The following TRIQK variants were observed in gnomAD, a reference collection of about 807,000 sequenced individuals.
TRIQK encodes the protein triple QxxK/R motif-containing protein.
In TRIQK, 10 loss-of-function variants were observed where a neutral mutation model predicts 10.8. The ratio of observed to expected loss-of-function variants is 0.92; its 90% CI spans 0.57 to 1.57. The LOEUF (loss-of-function observed/expected upper bound fraction) is 1.57, where lower values mean the gene tolerates loss of function less well. TRIQK is among the 40% of genes most tolerant of loss of function. TRIQK has a pLI of 0.00. For synonymous variants in TRIQK, 33 were observed against 33.7 expected, an observed-to-expected ratio of 0.98 and a Z score of 0.07; for missense variants, 107 against 97.7, an observed-to-expected ratio of 1.09 and a Z score of -0.40.
intron 2 of TRIQK, among the ~76,000 whole-genome samples, chr8:92,922,009 T>C (rs1001402139): frequency 2.6e-5 from 4 of 151,886 alleles, no homozygotes; most frequent in Admixed American, 6.6e-5. Flanking sequence ...ATTTTTCTAA[T>C]CATAATAATC....
intron 2 of TRIQK, chr8:92,922,471 T>C (rs1176171031): frequency 1.3e-5 from 2 of 151,816 alleles, no homozygotes; most frequent in African/African-American, 4.8e-5. Flanking sequence ...TAATTTTTTC[T>C]TAAAGCAAAT....
At chr8:92,907,848 T>C (rs2130392629) in intron 3 of TRIQK, among the ~76,000 whole-genome samples, 1 of 152,226 alleles carries the variant, frequency 6.6e-6, no homozygotes, top group East Asian at 1.9e-4. Context: ...AGATAGCTAC[T>C]AAAACAAATA....
intron 3 of TRIQK, among the ~76,000 whole-genome samples, chr8:92,892,545 G>T (rs1327862800): frequency 6.6e-6 from 1 of 151,808 alleles, no homozygotes; most frequent in East Asian, 1.9e-4. Flanking sequence ...TTAAGTAAAA[G>T]ACTAAAGAAG....
At chr8:92,928,633 T>G (rs1810564500) in intron 2 of TRIQK, among the ~76,000 whole-genome samples, 1 of 152,208 alleles carries the variant, frequency 6.6e-6, no homozygotes, top group African/African-American at 2.4e-5. Context: ...GATTATCTTT[T>G]TAACAAGGTC....
At chr8:92,985,577 G>A (rs1260774967) in intron 1 of TRIQK, among the ~76,000 whole-genome samples, 15 of 152,152 alleles carry the variant, frequency 9.9e-5, no homozygotes, top group Admixed American at 9.8e-4. Context: ...GGAAGCCAAA[G>A]TCAAACAATC....
chr8:92,951,782 C>T (rs1811922642), intron 2 of TRIQK, among the ~76,000 whole-genome samples: 1 of 152,104 alleles, frequency 6.6e-6, no homozygotes, highest in Non-Finnish European at 1.5e-5. Context: ...CAGAGCCTAA[C>T]TGATCTGGGG....
At chr8:92,939,658 G>A (rs1012028887) in intron 2 of TRIQK, among the ~76,000 whole-genome samples, 1 of 152,104 alleles carries the variant, frequency 6.6e-6, no homozygotes, top group Non-Finnish European at 1.5e-5. Flanking sequence ...AAGGCAAGCA[G>A]TGTGGCTCAA....
chr8:92,935,342 A>G (rs1172702525), intron 2 of TRIQK, among the ~76,000 whole-genome samples: 2 of 151,812 alleles, frequency 1.3e-5, no homozygotes, highest in African/African-American at 4.8e-5. Context: ...TTTAGAAATT[A>G]TTGCTAAAAT....
chr8:92,943,892 ATAGAG>A (rs1459896101), intron 2 of TRIQK, among the ~76,000 whole-genome samples: 1 of 152,162 alleles, frequency 6.6e-6, no homozygotes. Flanking sequence ...GAAACAAGCA[ATAGAG>A]TAAAGAGAGA....
At chr8:92,959,743 CT>C (rs1812356518) in intron 1 of TRIQK, among the ~76,000 whole-genome samples, 1 of 152,096 alleles carries the variant, frequency 6.6e-6, no homozygotes, top group Non-Finnish European at 1.5e-5. Flanking sequence ...AGTCCAGATG[CT>C]TTTCAACTTA....
At chr8:92,929,667 A>C (rs1349984506) in intron 2 of TRIQK, 1 of 152,174 alleles carries the variant, frequency 6.6e-6, no homozygotes, top group East Asian at 1.9e-4. Flanking sequence ...CCATGGAATT[A>C]TATTTTTAAA....
rs533310061 is a variant in TRIQK, at chr8:93,007,181, A to G, written c.-181+10428T>C. ...CCATTTCTGCTGTTCTGCAGCCTCCACTAGTGACACCTCCAGGTACAGGAG... is the reference window on the plus strand; with the variant it reads ...CCATTTCTGCTGTTCTGCAGCCTCCGCTAGTGACACCTCCAGGTACAGGAG... On this transcript the variant is annotated intron_variant, in intron 1 of 4. Coordinates refer to the TRIQK transcript ENST00000520686. Among the ~76,000 whole-genome samples the G allele has an allele frequency of 2.0e-4, 31 of 152,282 alleles. No individual in the cohort carries two copies. In the East Asian group the frequency reaches 5.4e-3, roughly 27 times the overall value.
At chr8:92,944,757 A>C (rs1023689887) in intron 2 of TRIQK, among the ~76,000 whole-genome samples, 1 of 152,198 alleles carries the variant, frequency 6.6e-6, no homozygotes, top group Non-Finnish European at 1.5e-5. Flanking sequence ...GTACACAGTT[A>C]CAGTTAGAAG....
chr8:92,915,808 AC>A (rs1809808614), intron 3 of TRIQK, among the ~76,000 whole-genome samples: 1 of 151,904 alleles, frequency 6.6e-6, no homozygotes, highest in Non-Finnish European at 1.5e-5. Context: ...CCTGTACTAT[AC>A]AAATTCTTAA....
chr8:92,939,316 C>T lies in TRIQK; in HGVS notation c.-22+15090G>A, dbSNP rs77345201. Reference sequence around the variant, plus strand: ...TGAGTGGTCCAAACCTTAATATCTCCCCACTCTGTGTGAGCTCACAGAATT... The same window carrying T: ...TGAGTGGTCCAAACCTTAATATCTCTCCACTCTGTGTGAGCTCACAGAATT... On this transcript the variant is annotated intron_variant, in intron 2 of 4. Coordinates refer to ENST00000521988, the MANE Select transcript of TRIQK (RefSeq NM_001171797.2). Among the ~76,000 whole-genome samples, 52 of 152,204 alleles carry T rather than the reference C, an allele frequency of 3.4e-4. No individual in the cohort carries two copies. In the East Asian group the frequency reaches 0.01, roughly 29 times the overall value.
At chr8:92,943,894 A>G (rs996863607) in intron 2 of TRIQK, among the ~76,000 whole-genome samples, 2 of 152,154 alleles carry the variant, frequency 1.3e-5, no homozygotes, top group Admixed American at 6.6e-5. Context: ...AACAAGCAAT[A>G]GAGTAAAGAG....
At chr8:92,949,800 AAGAAAGAAAGAAAG>A (rs1811776010) in intron 2 of TRIQK, among the ~76,000 whole-genome samples, 1 of 117,970 alleles carries the variant, frequency 8.5e-6, no homozygotes, top group African/African-American at 3.3e-5. Flanking sequence ...GAAAGAAAGA[AAGAAAGAAAGAAAG>A]AAAGAAAGAA....
intron 1 of TRIQK, among the ~76,000 whole-genome samples, chr8:93,004,036 G>A (rs1379530004): frequency 6.6e-6 from 1 of 152,220 alleles, no homozygotes; most frequent in South Asian, 2.1e-4. Context: ...AGTGCAAGCT[G>A]TTTGTGGATT....
At chr8:92,935,264 G>C (rs1451303716) in intron 2 of TRIQK, among the ~76,000 whole-genome samples, 1 of 151,674 alleles carries the variant, frequency 6.6e-6, no homozygotes, top group African/African-American at 2.4e-5. Flanking sequence ...AACTGTTCAA[G>C]ATAATAAAAG....
Sources: allele counts gnomAD v4.1 joint callset (sites outside exome capture counted in the v4.1 genomes callset), GRCh38; gene constraint gnomAD v4.1.1; transcripts MANE v1.5; gene names NCBI Gene and HGNC (gene_info 2026-07-23, HGNC 2026-07-21).